The following SLIT3 variants were observed in gnomAD, a reference collection of about 807,000 sequenced individuals.
The protein encoded by SLIT3 is slit homolog 3 protein.
A neutral mutation model predicts 184.0 loss-of-function variants in SLIT3; 68 were observed. The ratio of observed to expected loss-of-function variants is 0.37; its 90% CI spans 0.30 to 0.45. The LOEUF (loss-of-function observed/expected upper bound fraction) is 0.45, where lower values mean the gene tolerates loss of function less well. Among genes scored for constraint, SLIT3 ranks in the 20% least tolerant of loss-of-function variants. The probability of loss-of-function intolerance (pLI) is 1.00; values close to 1 mark genes in which losing one functional copy is unlikely to be tolerated. For missense variants in SLIT3, 1,707 were observed against 2,026.0 expected (o/e 0.84, Z 3.02); for synonymous variants, 831 against 828.6 (o/e 1.00, Z -0.05).
intron 4 of SLIT3, among the ~76,000 whole-genome samples, chr5:169,136,628 T>C (rs886161133): frequency 2.1e-4 from 32 of 152,218 alleles, no homozygotes; most frequent in African/African-American, 7.5e-4. Flanking sequence ...TTAAACTTGG[T>C]GACCTCTGGC....
chr5:169,141,695 C>T (rs1174030664), intron 4 of SLIT3, among the ~76,000 whole-genome samples: 4 of 150,190 alleles, frequency 2.7e-5, no homozygotes, highest in Middle Eastern at 3.5e-3. Context: ...GCCGAGATCG[C>T]GCCATTGCAC....
chr5:168,972,270 C>T (rs1046993369), intron 4 of SLIT3, among the ~76,000 whole-genome samples: 3 of 149,970 alleles, frequency 2.0e-5, no homozygotes, highest in African/African-American at 4.9e-5. Context: ...GGTAGAAGCA[C>T]GACCTTGAGG....
At chr5:168,735,388 G>A (rs1273508700) in intron 20 of SLIT3, among the ~76,000 whole-genome samples, 1 of 152,126 alleles carries the variant, frequency 6.6e-6, no homozygotes. Flanking sequence ...TTCCACTAGA[G>A]TCCTGGAGTG....
rs1451674909 is a variant in SLIT3 at position 169,224,376 on chromosome 5, T to A, written c.341+20329A>T. Among the ~76,000 whole-genome samples, 7 of 80,148 alleles carry A rather than the reference T, an allele frequency of 8.7e-5. No homozygotes were observed. The South Asian group carries it at 1.6e-3, about 18-fold the overall frequency. 52.6% of individuals were successfully genotyped at this position (80,148 alleles called of 152,430 possible). A position where few individuals can be genotyped will look rare whatever the true frequency, so the allele number is the denominator to read the frequency against. ...CATTTAAAATTTTTTATTATTTATTTATTTATTTATTTTTTTTGAGACTAG... is the reference window on the plus strand; with the variant it reads ...CATTTAAAATTTTTTATTATTTATTAATTTATTTATTTTTTTTGAGACTAG... On this transcript the variant is annotated intron_variant, in intron 3 of 35. Transcript: ENST00000519560.
At chr5:168,757,841 A>G (rs1755005315) in intron 16 of SLIT3, among the ~76,000 whole-genome samples, 1 of 152,158 alleles carries the variant, frequency 6.6e-6, no homozygotes, top group Non-Finnish European at 1.5e-5. Context: ...CATGTCTTTC[A>G]TCTTTATTTC....
intron 9 of SLIT3, among the ~76,000 whole-genome samples, chr5:168,800,357 G>A (rs1183572126): frequency 7.9e-5 from 12 of 152,164 alleles, no homozygotes; most frequent in African/African-American, 2.2e-4. Context: ...AGGCTGAGGC[G>A]GTTGGATCAC....
rs560515287 is a variant in SLIT3, at chr5:168,849,411, G to T, written c.486-4756C>A. On this transcript the variant is annotated intron_variant, in intron 5 of 35. Coordinates refer to ENST00000519560, the MANE Select transcript of SLIT3 (RefSeq NM_003062.4). ...AGTAGCTAAGGCTCAGCACCCTTTA[G>T]AGTTTAACAATTTGCTAATTTCTGA... is the stretch of plus-strand genomic sequence containing the variant. Among the ~76,000 whole-genome samples, 9 of 152,318 alleles carry T rather than the reference G, an allele frequency of 5.9e-5. No individual in the cohort carries two copies. In the South Asian group the frequency reaches 1.9e-3, roughly 32 times the overall value.
At chr5:168,847,971 G>A (rs988408393) in intron 5 of SLIT3, among the ~76,000 whole-genome samples, 1 of 152,192 alleles carries the variant, frequency 6.6e-6, no homozygotes, top group African/African-American at 2.4e-5. Flanking sequence ...GGAGGCATCT[G>A]CAAAAAGGGC....
intron 5 of SLIT3, among the ~76,000 whole-genome samples, chr5:168,858,087 A>G (rs1044757455): frequency 6.6e-6 from 1 of 152,260 alleles, no homozygotes; most frequent in Non-Finnish European, 1.5e-5. Context: ...AGCATTCAAC[A>G]GTGTTTCCAG....
chr5:168,858,977 G>T (rs542095026), intron 5 of SLIT3, among the ~76,000 whole-genome samples: 2 of 152,266 alleles, frequency 1.3e-5, no homozygotes, highest in Admixed American at 6.5e-5. Context: ...TGAGGCTTGC[G>T]GTGGGGTGGA....
chr5:169,016,061 C>T (rs1756364381), intron 4 of SLIT3, among the ~76,000 whole-genome samples: 1 of 151,814 alleles, frequency 6.6e-6, no homozygotes, highest in South Asian at 2.1e-4. Flanking sequence ...AAATCTCCTT[C>T]GTCTGCCTCA....
rs181388713 is a variant in SLIT3, at chr5:168,774,393, G to A, written c.1152-15C>T. The A allele has an allele frequency of 1.9e-6, 3 of 1,601,570 alleles. No homozygotes were observed. The highest frequency in any genetic ancestry group is 2.6e-6 in the Non-Finnish European group (3 of 1,174,412). ...CATTGAGGAGGCTGCAAACAGAAGA[G>A]AGCCTGGTTGATTCACTAATCCTGG... On this transcript the variant is annotated splice_polypyrimidine_tract_variant and intron_variant, in intron 12 of 35. Coordinates refer to ENST00000519560, the MANE Select transcript of SLIT3 (RefSeq NM_003062.4).
In SLIT3 at chr5:168,703,224, CTT is replaced by C. The variant is rs879654786; in HGVS notation, c.2845-2547_2845-2546del. Among the ~76,000 whole-genome samples the C allele has an allele frequency of 4.7e-4, 67 of 141,504 alleles. 1 individual carries two copies. Among genetic ancestry groups the C allele is most frequent in the Non-Finnish European group, 8.3e-4 (54 of 65,300 alleles). 92.8% of individuals were successfully genotyped at this position (141,504 alleles called of 152,430 possible). A position where few individuals can be genotyped will look rare whatever the true frequency, so the allele number is the denominator to read the frequency against. Reference sequence around the variant, plus strand: ...ACCACACTTTCTACCCCTCATCCCACTTTGTGTGTGTGTGTGTGTGTGTGTGT... The same window carrying C: ...ACCACACTTTCTACCCCTCATCCCACTGTGTGTGTGTGTGTGTGTGTGTGT... On this transcript the variant is annotated intron_variant, in intron 26 of 35. Transcript: ENST00000519560.
chr5:168,775,517 T>C (rs1755712319), intron 12 of SLIT3, among the ~76,000 whole-genome samples: 1 of 148,440 alleles, frequency 6.7e-6, no homozygotes, highest in Non-Finnish European at 1.5e-5. Flanking sequence ...CACTCCATTA[T>C]CGTCTCTCAC....
chr5:168,940,185 C>T (rs1762287124), intron 4 of SLIT3, among the ~76,000 whole-genome samples: 1 of 152,186 alleles, frequency 6.6e-6, no homozygotes, highest in South Asian at 2.1e-4. Flanking sequence ...TTGGTAATAA[C>T]AGGTTTGCTC....
intron 23 of SLIT3, chr5:168,712,569 G>A (rs1349948981): frequency 5.4e-6 from 3 of 557,636 alleles, no homozygotes; most frequent in African/African-American, 3.8e-5. Context: ...TGCGGAAGAA[G>A]GGGGTGGACT....
chr5:168,979,701 G>A (rs1334872519), intron 4 of SLIT3, among the ~76,000 whole-genome samples: 1 of 152,156 alleles, frequency 6.6e-6, no homozygotes, highest in East Asian at 1.9e-4. Flanking sequence ...TTCCCAAGGT[G>A]CTCTGTTTGT....
intron 26 of SLIT3, among the ~76,000 whole-genome samples, chr5:168,705,767 A>C (rs1396329201): frequency 1.3e-5 from 2 of 152,228 alleles, no homozygotes; most frequent in African/African-American, 4.8e-5. Flanking sequence ...TTCATAGTAC[A>C]GTCAAGTGTA....
At chr5:168,974,319 A>T (rs1407569368) in intron 4 of SLIT3, among the ~76,000 whole-genome samples, 1 of 152,214 alleles carries the variant, frequency 6.6e-6, no homozygotes, top group Non-Finnish European at 1.5e-5. Context: ...CAGCAAGAAG[A>T]TAAACATTCT....
Sources: allele counts gnomAD v4.1 joint callset (sites outside exome capture counted in the v4.1 genomes callset), GRCh38; gene constraint gnomAD v4.1.1; transcripts MANE v1.5; gene names NCBI Gene and HGNC (gene_info 2026-07-23, HGNC 2026-07-21).